Variants in LZTFL1 observed in about 807,000 individuals in gnomAD.
LZTFL1 encodes the protein leucine zipper transcription factor like 1.
A neutral mutation model predicts 45.9 loss-of-function variants in LZTFL1; 25 were observed. The ratio of observed to expected loss-of-function variants is 0.54; its 90% confidence interval spans 0.40 to 0.76. The LOEUF is 0.76. Ranked by LOEUF, LZTFL1 falls within the 30% of genes least tolerant of loss-of-function variation. LZTFL1 has a pLI of 0.00. For missense variants in LZTFL1, 277 were observed against 331.1 expected, an observed-to-expected ratio of 0.84 and a Z score of 1.27; for synonymous variants, 93 against 117.4, an observed-to-expected ratio of 0.79 and a Z score of 1.35.
intron 2 of LZTFL1, among the ~76,000 whole-genome samples, chr3:45,889,108 G>C (rs1185962940): frequency 2.6e-5 from 4 of 152,166 alleles, no homozygotes; most frequent in Non-Finnish European, 4.4e-5. Flanking sequence ...GCGTCAGCCA[G>C]CTGAGTAGCT....
At chr3:45,845,449 A>T (rs1220560418), upstream of LZTFL1, among the ~76,000 whole-genome samples, 1 of 152,190 alleles carries the variant, frequency 6.6e-6, no homozygotes, top group East Asian at 1.9e-4. Flanking sequence ...CTAGGTTTTA[A>T]CAGGAGTGTG....
At chr3:45,851,469 C>T (rs1467465532) in intron 4 of LZTFL1, among the ~76,000 whole-genome samples, 1 of 151,908 alleles carries the variant, frequency 6.6e-6, no homozygotes, top group Non-Finnish European at 1.5e-5. Flanking sequence ...TCATGATCCG[C>T]CCGCCTCGGC....
chr3:45,863,694 A>G (rs1350659527), intron 2 of LZTFL1, among the ~76,000 whole-genome samples: 3 of 152,180 alleles, frequency 2.0e-5, no homozygotes, highest in Non-Finnish European at 4.4e-5. Flanking sequence ...GAGAGGAACA[A>G]GCTAAATGAC....
At chr3:45,839,180 C>T (rs182655122) in intron 1 of LZTFL1, among the ~76,000 whole-genome samples, 4 of 152,302 alleles carry the variant, frequency 2.6e-5, no homozygotes, top group African/African-American at 9.6e-5. Flanking sequence ...GTTCCGCCTC[C>T]TGGGTTCATG....
Position 45,831,060 on chromosome 3 carries a change from A to G in LZTFL1, c.522+13T>C, listed in dbSNP as rs761416241. 7 of 1,608,750 alleles carry G rather than the reference A, an allele frequency of 4.4e-6. No homozygotes were observed. The Admixed American group carries it at 6.7e-5, about 15-fold the overall frequency. ...GGCAGTTCAATAATTGTGTCAAAAC[A>G]TTTCTCAGTTACCTGTATTTCAATG... is the stretch of plus-strand genomic sequence containing the variant. On this transcript the variant is annotated intron_variant, in intron 6 of 9. Transcript: ENST00000296135.
chr3:45,849,943 T>C (rs1246279012), intron 4 of LZTFL1, among the ~76,000 whole-genome samples: 1 of 152,228 alleles, frequency 6.6e-6, no homozygotes. Context: ...ATTTCTATAC[T>C]TGATTTTGTG....
chr3:45,863,704 C>T (rs951804597), intron 2 of LZTFL1, among the ~76,000 whole-genome samples: 2 of 152,128 alleles, frequency 1.3e-5, no homozygotes, highest in African/African-American at 2.4e-5. Flanking sequence ...AGCTAAATGA[C>T]ACCACTGGCA....
chr3:45,905,574 G>A (rs79179998), intron 2 of LZTFL1, among the ~76,000 whole-genome samples: 13,918 of 152,266 alleles, frequency 0.091, 676 homozygotes, highest in Non-Finnish European at 0.11. Flanking sequence ...GAGTATGGTC[G>A]GCACAGGCCC....
intron 2 of LZTFL1, among the ~76,000 whole-genome samples, chr3:45,880,932 C>T (rs1442236779): frequency 6.6e-6 from 1 of 152,282 alleles, no homozygotes; most frequent in South Asian, 2.1e-4. Context: ...CTACATCCAA[C>T]CTCTTAGAAC....
chr3:45,881,378 A>C (rs959864130), intron 2 of LZTFL1, among the ~76,000 whole-genome samples: 1 of 152,108 alleles, frequency 6.6e-6, no homozygotes, highest in Admixed American at 6.5e-5. Flanking sequence ...CACAGCCTCC[A>C]ACTGGTTTTG....
chr3:45,889,138 C>A (rs1430883841), intron 2 of LZTFL1, among the ~76,000 whole-genome samples: 3 of 152,114 alleles, frequency 2.0e-5, no homozygotes, highest in Non-Finnish European at 4.4e-5. Context: ...GGGTAGGCAA[C>A]CATGCCTGGC....
In LZTFL1 at chr3:45,901,683, T is replaced by C. The variant is rs1702563921; in HGVS notation, c.-215+11437A>G. ...CGTTTCCACCAACATTGACATCTGC[T>C]TCCAGGTCACCCAGACCATCGCCTT... On this transcript the variant is annotated intron_variant, in intron 2 of 4. Coordinates refer to the LZTFL1 transcript ENST00000472635. The surrounding 1 kb of genome is among the most constrained non-coding windows in gnomAD (Gnocchi z 4.3). 6.2e-7 allele frequency: 1 copy of C among 1,614,056 alleles called. No homozygotes were observed. Among genetic ancestry groups the C allele is most frequent in the Non-Finnish European group, 8.5e-7 (1 of 1,179,870 alleles).
At chr3:45,873,857 TG>T (rs997004673) in intron 2 of LZTFL1, among the ~76,000 whole-genome samples, 1 of 152,212 alleles carries the variant, frequency 6.6e-6, no homozygotes, top group African/African-American at 2.4e-5. Flanking sequence ...ACGTGCCACC[TG>T]TTGAAGTGTT....
Position 45,830,985 on chromosome 3 carries a change from T to G in LZTFL1, c.528A>C (p.Thr176=), listed in dbSNP as rs749428105. The G allele has an allele frequency of 2.0e-5, 33 of 1,613,794 alleles. No homozygotes were observed. In the South Asian group the frequency reaches 3.4e-4, roughly 17 times the overall value. Reference sequence around the variant, plus strand: ...GTTTTGACTTTTCATCCAGTGCATTTGTAGCCTATAGTGAAGTTTAAACAA... The same window carrying G: ...GTTTTGACTTTTCATCCAGTGCATTGGTAGCCTATAGTGAAGTTTAAACAA... ...SRLKTIEIQA[T]NALDEKSKLE... The change falls in exon 7 of 10, where the codon ACA becomes ACC. Residue 176 remains threonine, a synonymous_variant. Coordinates refer to ENST00000296135, the MANE Select transcript of LZTFL1 (RefSeq NM_020347.4).
At chr3:45,869,645 G>A (rs1448801251) in intron 2 of LZTFL1, among the ~76,000 whole-genome samples, 1 of 152,212 alleles carries the variant, frequency 6.6e-6, no homozygotes, top group Non-Finnish European at 1.5e-5. Context: ...TGTGGAAGGT[G>A]CCTGGAAGCA....
intron 2 of LZTFL1, among the ~76,000 whole-genome samples, chr3:45,865,892 G>A (rs61185149): frequency 0.058 from 8,821 of 152,208 alleles, 839 homozygotes; most frequent in African/African-American, 0.2. Flanking sequence ...GCAACCAAAT[G>A]TCTACAAACC....
chr3:45,889,873 G>C (rs539563093), intron 2 of LZTFL1, among the ~76,000 whole-genome samples: 1 of 151,550 alleles, frequency 6.6e-6, no homozygotes, highest in Admixed American at 6.6e-5. Context: ...TCCAATTTTT[G>C]TTCTGCTCCA....
chr3:45,863,831 T>G (rs1701535003), intron 2 of LZTFL1, among the ~76,000 whole-genome samples: 1 of 152,132 alleles, frequency 6.6e-6, no homozygotes. Context: ...CCAGGTGCAA[T>G]GTGTGGTCCA....
At chr3:45,876,328 G>T (rs1265268620) in intron 2 of LZTFL1, among the ~76,000 whole-genome samples, 1 of 152,154 alleles carries the variant, frequency 6.6e-6, no homozygotes. Context: ...GTCATTTATT[G>T]GATTTCTCTG....
Sources: gnomAD v4.1 joint callset for allele counts (sites outside exome capture counted in the v4.1 genomes callset) on GRCh38, gnomAD v4.1.1 for gene constraint, Gnocchi (gnomAD v3.1) non-coding constraint, MANE v1.5 for transcripts, NCBI Gene and HGNC (gene_info 2026-07-23, HGNC 2026-07-21) for gene names.